The following DPP8 variants were observed in gnomAD, a reference collection of about 807,000 sequenced individuals.
The protein encoded by DPP8 is DPP VIII.
DPP8 carries 31 observed loss-of-function variants against 107.5 expected under a neutral mutation model. The observed-to-expected ratio is 0.29, with a 90% CI of 0.22 to 0.39. The LOEUF (loss-of-function observed/expected upper bound fraction) is 0.39, where lower values mean the gene tolerates loss of function less well. DPP8 is among the 10% of genes least tolerant of loss of function. The pLI is 1.00. For missense variants in DPP8, 842 were observed against 1,076.1 expected (o/e 0.78, Z 3.04); for synonymous variants, 381 against 356.6 (o/e 1.07, Z -0.77).
intron 5 of DPP8, among the ~76,000 whole-genome samples, chr15:65,495,329 G>A (rs2068473822): frequency 6.6e-6 from 1 of 152,180 alleles, no homozygotes; most frequent in African/African-American, 2.4e-5. Flanking sequence ...TGTCTGGCCA[G>A]GTGCTGTGGC....
Position 65,486,864 on chromosome 15 carries a change from C to T in DPP8, c.955+826G>A, listed in dbSNP as rs887356615. ...GGTGGGTGTGAGGAATAAAAGACTA[C>T]ACATTGGGTACAGTGTACACTGCTC... On this transcript the variant is annotated intron_variant, in intron 7 of 19. Transcript: ENST00000300141. Among the ~76,000 whole-genome samples the T allele has an allele frequency of 3.9e-5, 6 of 152,058 alleles. No homozygotes were observed. The South Asian group carries it at 6.2e-4, about 16-fold the overall frequency.
intron 7 of DPP8, among the ~76,000 whole-genome samples, chr15:65,486,025 C>T (rs1197635668): frequency 7.5e-5 from 11 of 147,092 alleles, no homozygotes; most frequent in African/African-American, 2.5e-4. Context: ...ACTCGGGAGG[C>T]AGAGGTTGAA....
At chr15:65,494,267 C>G (rs146150068) in intron 5 of DPP8, among the ~76,000 whole-genome samples, 1 of 150,358 alleles carries the variant, frequency 6.7e-6, no homozygotes, top group Non-Finnish European at 1.5e-5. Context: ...TACAGTCACT[C>G]CAAGGCTGGA....
At chr15:65,507,498 T>TGCTTA (rs1369332044) in intron 2 of DPP8, 143 bp from the exon 3 acceptor site, 7 of 542,896 alleles carry the variant, frequency 1.3e-5, no homozygotes, top group Non-Finnish European at 1.9e-5. Context: ...AAGTAGAATG[T>TGCTTA]GCTTATGCCA....
At chr15:65,495,752 T>C (rs1261727235) in intron 5 of DPP8, among the ~76,000 whole-genome samples, 2 of 151,034 alleles carry the variant, frequency 1.3e-5, no homozygotes, top group African/African-American at 4.9e-5. Flanking sequence ...TACAAAAAAA[T>C]TAGCCGGTAA....
At chr15:65,456,018 G>T (rs989090091) in intron 16 of DPP8, among the ~76,000 whole-genome samples, 2 of 152,114 alleles carry the variant, frequency 1.3e-5, no homozygotes, top group Admixed American at 1.3e-4. Context: ...CTATGTACAA[G>T]TGGCTCTATC....
At chr15:65,509,530 C>A (rs28366564) in intron 2 of DPP8, among the ~76,000 whole-genome samples, 2 of 152,142 alleles carry the variant, frequency 1.3e-5, no homozygotes, top group African/African-American at 4.8e-5. Flanking sequence ...TCATTTTGGG[C>A]CCATGTCTTC....
At chr15:65,472,948 G>A (rs1343049976) in intron 12 of DPP8, among the ~76,000 whole-genome samples, 1 of 152,126 alleles carries the variant, frequency 6.6e-6, no homozygotes, top group African/African-American at 2.4e-5. Context: ...TGAGGTGGGA[G>A]GAAGGCTTGA....
chr15:65,485,544 CAAAAAAAAAAA>C (rs56940292), intron 7 of DPP8, among the ~76,000 whole-genome samples: 6 of 61,282 alleles, frequency 9.8e-5, no homozygotes, highest in African/African-American at 3.2e-4. Context: ...GACTCCATCT[CAAAAAAAAAAA>C]AAAAAAAAAG....
chr15:65,500,542 T>C (rs1160605242), intron 4 of DPP8, 64 bp downstream of exon 4: 2 of 1,323,890 alleles, frequency 1.5e-6, no homozygotes, highest in African/African-American at 1.5e-5. Context: ...ATTACCTTTC[T>C]GCTTTGGGTA....
intron 4 of DPP8, 109 bp from the exon 5 acceptor site, chr15:65,498,141 G>T: frequency 1.2e-6 from 1 of 845,674 alleles, no homozygotes; most frequent in Non-Finnish European, 1.7e-6. Context: ...CAACAATGAG[G>T]CCGGGCGTGG....
At chr15:65,487,072 C>T (rs1317085277) in intron 7 of DPP8, among the ~76,000 whole-genome samples, 2 of 151,654 alleles carry the variant, frequency 1.3e-5, no homozygotes, top group East Asian at 3.9e-4. Flanking sequence ...AATTGAAATG[C>T]TGTAAGAAGC....
intron 12 of DPP8, among the ~76,000 whole-genome samples, chr15:65,472,059 G>A (rs1280824340): frequency 6.6e-6 from 1 of 152,132 alleles, no homozygotes; most frequent in Non-Finnish European, 1.5e-5. Flanking sequence ...TGAAACAAAT[G>A]CAAGGTACTT....
In DPP8 at chr15:65,461,146, CT is replaced by C. The variant is rs150637607; in HGVS notation, c.1971+2614del. 8.2e-3 allele frequency among the ~76,000 whole-genome samples: 1,242 copies of C among 152,082 alleles called. 15 individuals are homozygous for C. Among genetic ancestry groups the C allele is most frequent in the African/African-American group, 0.029 (1,183 of 41,484 alleles). ...AACTTAATTACTCATATAAGGAATC[CT>C]TTAAATCTTTTTCTTGAGACAGGAT... On this transcript the variant is annotated intron_variant, in intron 15 of 19. Coordinates refer to ENST00000300141, the MANE Select transcript of DPP8 (RefSeq NM_130434.5).
intron 2 of DPP8, chr15:65,512,003 T>C (rs2070846719): frequency 3.8e-6 from 2 of 529,262 alleles, no homozygotes; most frequent in South Asian, 3.2e-5. Flanking sequence ...TTTGTTTTCC[T>C]AATCAGACCA....
intron 3 of DPP8, among the ~76,000 whole-genome samples, chr15:65,506,038 A>C (rs1467584455): frequency 6.6e-6 from 1 of 151,980 alleles, no homozygotes; most frequent in Non-Finnish European, 1.5e-5. Context: ...TCAATTAAGA[A>C]ATACTCGGCC....
At chr15:65,474,059 A>AC in intron 12 of DPP8, 150 bp downstream of exon 12, 1 of 589,736 alleles carries the variant, frequency 1.7e-6, no homozygotes. Context: ...AGCCGAGATC[A>AC]CCCCATTGCA....
chr15:65,491,050 CA>C (rs1314215533), intron 5 of DPP8, among the ~76,000 whole-genome samples: 5 of 149,848 alleles, frequency 3.3e-5, no homozygotes, highest in African/African-American at 1.2e-4. Flanking sequence ...CTCAGCTACT[CA>C]GGAGTCTGAG....
chr15:65,476,729 G>A (rs1228405780), intron 11 of DPP8, among the ~76,000 whole-genome samples: 1 of 152,172 alleles, frequency 6.6e-6, no homozygotes, highest in Non-Finnish European at 1.5e-5. Context: ...GACAGGAACA[G>A]ATACTTGTAC....
Sources: gnomAD v4.1 joint callset for allele counts (sites outside exome capture counted in the v4.1 genomes callset) on GRCh38, gnomAD v4.1.1 for gene constraint, MANE v1.5 for transcripts, NCBI Gene and HGNC (gene_info 2026-07-23, HGNC 2026-07-21) for gene names.